The following ECT2L variants were observed in gnomAD, a reference collection of about 807,000 sequenced individuals.
The protein encoded by ECT2L is epithelial cell-transforming sequence 2 oncogene-like.
In ECT2L, 126 loss-of-function variants were observed where a neutral mutation model predicts 122.8. The ratio of observed to expected loss-of-function variants is 1.03; its 90% CI spans 0.89 to 1.19. The LOEUF is 1.19. Among genes scored for constraint, ECT2L ranks in the 50% most tolerant of loss-of-function variants. The pLI is 0.00. For synonymous variants in ECT2L, 385 were observed against 381.8 expected (o/e 1.01, Z -0.10); for missense variants, 1,012 against 1,064.1 (o/e 0.95, Z 0.68).
chr6:138,804,819 T>A (rs1163820335), intron 1 of ECT2L, among the ~76,000 whole-genome samples: 3 of 152,236 alleles, frequency 2.0e-5, no homozygotes, highest in Non-Finnish European at 4.4e-5. Context: ...TTAGTGGTAC[T>A]TGATGTTATT....
chr6:138,862,805 TG>T (rs1267158352), intron 11 of ECT2L, 86 bp downstream of exon 11: 4 of 1,084,408 alleles, frequency 3.7e-6, no homozygotes, highest in Middle Eastern at 2.0e-4. Flanking sequence ...TTAATAGTAC[TG>T]GTATGGCTGA....
chr6:138,846,067 T>C (rs1401325020), intron 7 of ECT2L, among the ~76,000 whole-genome samples: 2 of 152,068 alleles, frequency 1.3e-5, no homozygotes, highest in African/African-American at 4.8e-5. Flanking sequence ...CAAGACCCTG[T>C]CACTTAAATT....
intron 15 of ECT2L, among the ~76,000 whole-genome samples, chr6:138,882,111 A>G (rs1360394096): frequency 6.6e-6 from 1 of 152,164 alleles, no homozygotes; most frequent in African/African-American, 2.4e-5. Context: ...ATAACAACAT[A>G]TTTTCAAGTG....
At chr6:138,828,176 A>G (rs1330168150) in intron 4 of ECT2L, among the ~76,000 whole-genome samples, 1 of 152,240 alleles carries the variant, frequency 6.6e-6, no homozygotes, top group Non-Finnish European at 1.5e-5. Context: ...ATCAGCCTGA[A>G]AAAATTAATA....
At chr6:138,805,228 G>T (rs1248493262) in intron 1 of ECT2L, among the ~76,000 whole-genome samples, 2 of 152,182 alleles carry the variant, frequency 1.3e-5, no homozygotes, top group Non-Finnish European at 2.9e-5. Context: ...TGGACTACTG[G>T]TGGATGCTTG....
chr6:138,830,914 T>C (rs1205496365), intron 4 of ECT2L, among the ~76,000 whole-genome samples: 1 of 152,226 alleles, frequency 6.6e-6, no homozygotes, highest in East Asian at 1.9e-4. Context: ...ATTTTTATCT[T>C]TGGCCCAGAC....
At chr6:138,811,724 T>A (rs1775905367) in intron 1 of ECT2L, among the ~76,000 whole-genome samples, 1 of 152,142 alleles carries the variant, frequency 6.6e-6, no homozygotes, top group South Asian at 2.1e-4. Flanking sequence ...TGGATGTCAG[T>A]GATGGAGTGC....
intron 11 of ECT2L, among the ~76,000 whole-genome samples, chr6:138,863,191 A>C (rs1457873053): frequency 6.6e-6 from 1 of 152,222 alleles, no homozygotes; most frequent in Non-Finnish European, 1.5e-5. Flanking sequence ...TCATTTAGAT[A>C]CTAAAGCTGC....
At chr6:138,817,976 G>A (rs1166045695) in intron 4 of ECT2L, among the ~76,000 whole-genome samples, 1 of 152,160 alleles carries the variant, frequency 6.6e-6, no homozygotes, top group Non-Finnish European at 1.5e-5. Flanking sequence ...TGGGCTGCTT[G>A]TGTCTGTTAC....
intron 1 of ECT2L, among the ~76,000 whole-genome samples, chr6:138,806,510 G>GTTTTTTTT (rs1562449582): frequency 9.7e-5 from 3 of 30,882 alleles, no homozygotes; most frequent in African/African-American, 4.5e-4. Flanking sequence ...GAAAATTCAC[G>GTTTTTTTT]CTTTTTTTTT....
intron 10 of ECT2L, among the ~76,000 whole-genome samples, chr6:138,857,262 A>G (rs547594177): frequency 1.3e-5 from 2 of 152,164 alleles, no homozygotes; most frequent in African/African-American, 4.8e-5. Context: ...CCACTTTTTA[A>G]GTTGACAAGA....
intron 1 of ECT2L, among the ~76,000 whole-genome samples, chr6:138,806,981 A>T (rs923652926): frequency 6.6e-6 from 1 of 152,192 alleles, no homozygotes; most frequent in African/African-American, 2.4e-5. Flanking sequence ...GAAAATCATA[A>T]GGAAGAGAAA....
rs375359335 is a variant in ECT2L at position 138,842,382 on chromosome 6, A to T, written c.343-597A>T. On this transcript the variant is annotated intron_variant, in intron 5 of 21. Coordinates refer to ENST00000541398, the MANE Select transcript of ECT2L (RefSeq NM_001077706.3). Reference sequence around the variant, plus strand: ...AGGCTGAGGCAAGAGAATTGCTTGAACCCAGAAGGCAGAGGTTGTAGTGAG... The same window carrying T: ...AGGCTGAGGCAAGAGAATTGCTTGATCCCAGAAGGCAGAGGTTGTAGTGAG... 1.1e-3 allele frequency among the ~76,000 whole-genome samples: 163 copies of T among 152,128 alleles called. 1 individual carries two copies. The highest frequency in any genetic ancestry group is 3.7e-3 in the African/African-American group (155 of 41,480).
intron 20 of ECT2L, among the ~76,000 whole-genome samples, chr6:138,893,939 AGCTTTTGGGGTGATAACTTC>A (rs1404173421): frequency 1.3e-5 from 2 of 152,234 alleles, no homozygotes; most frequent in Non-Finnish European, 2.9e-5. Flanking sequence ...CTATCATTCC[AGCTTTTGGGGTGATAACTTC>A]AATTCTATAA....
chr6:138,831,080 C>G (rs1337387577), intron 4 of ECT2L, among the ~76,000 whole-genome samples: 1 of 152,220 alleles, frequency 6.6e-6, no homozygotes, highest in Non-Finnish European at 1.5e-5. Context: ...CACCAGCCAT[C>G]CAGTTTCAAA....
At chr6:138,829,066 C>T (rs1776559959) in intron 4 of ECT2L, among the ~76,000 whole-genome samples, 2 of 151,280 alleles carry the variant, frequency 1.3e-5, no homozygotes, top group South Asian at 4.2e-4. Context: ...CTATGTTGCC[C>T]AGCGTGGTCT....
At chr6:138,850,129 T>C (rs1229875035) in intron 9 of ECT2L, among the ~76,000 whole-genome samples, 1 of 138,536 alleles carries the variant, frequency 7.2e-6, no homozygotes. Context: ...CACACAGTAT[T>C]TGTCGTTTTG....
At chr6:138,873,283 C>G (rs79970336) in intron 13 of ECT2L, among the ~76,000 whole-genome samples, 2,287 of 152,296 alleles carry the variant, frequency 0.015, 39 homozygotes, top group African/African-American at 0.047. Context: ...TGATTCTCTA[C>G]TATTTAACAC....
At chr6:138,801,021 T>C (rs984423817) in intron 1 of ECT2L, among the ~76,000 whole-genome samples, 5 of 152,096 alleles carry the variant, frequency 3.3e-5, no homozygotes, top group East Asian at 1.9e-4. Flanking sequence ...TGTGAAGCCT[T>C]GTAAGGGTCT....
Sources: gnomAD v4.1 joint callset for allele counts (sites outside exome capture counted in the v4.1 genomes callset) on GRCh38, gnomAD v4.1.1 for gene constraint, MANE v1.5 for transcripts, NCBI Gene and HGNC (gene_info 2026-07-23, HGNC 2026-07-21) for gene names.